INPP5A: variants seen among roughly 807,000 people sequenced by gnomAD.
INPP5A encodes the protein 43 kDa inositol polyphosphate 5-phophatase.
INPP5A carries 14 observed loss-of-function variants against 65.2 expected under a neutral mutation model. The ratio of observed to expected loss-of-function variants is 0.21; its 90% confidence interval spans 0.14 to 0.34. The LOEUF is 0.34. INPP5A is among the 10% of genes least tolerant of loss of function. INPP5A has a pLI of 1.00. For missense variants in INPP5A, 431 were observed against 545.6 expected (o/e 0.79, Z 2.09); for synonymous variants, 207 against 208.3 (o/e 0.99, Z 0.05).
intron 4 of INPP5A, among the ~76,000 whole-genome samples, chr10:132,658,538 C>T (rs1304282445): frequency 2.0e-5 from 3 of 152,186 alleles, no homozygotes; most frequent in African/African-American, 7.2e-5. Context: ...TGGTCGGCTC[C>T]GTGCGTTCTG....
At chr10:132,722,527 G>A (rs2134570082) in intron 8 of INPP5A, among the ~76,000 whole-genome samples, 1 of 152,324 alleles carries the variant, frequency 6.6e-6, no homozygotes, top group South Asian at 2.1e-4. Context: ...GCAGCCTCGC[G>A]CCCGGTTCCC....
At chr10:132,657,479 A>T (rs1392629370) in intron 4 of INPP5A, among the ~76,000 whole-genome samples, 1 of 152,216 alleles carries the variant, frequency 6.6e-6, no homozygotes, top group Non-Finnish European at 1.5e-5. Flanking sequence ...GGCAGCTCAC[A>T]GCCCCCACCC....
At chr10:132,772,679 C>G (rs1454860079) in intron 12 of INPP5A, among the ~76,000 whole-genome samples, 2 of 109,390 alleles carry the variant, frequency 1.8e-5, no homozygotes, top group South Asian at 3.6e-4. Flanking sequence ...GCAGCCGCCC[C>G]ACGAAGAGTG....
intron 2 of INPP5A, among the ~76,000 whole-genome samples, chr10:132,632,961 C>G (rs1189608601): frequency 6.6e-6 from 1 of 152,220 alleles, no homozygotes; most frequent in Non-Finnish European, 1.5e-5. Flanking sequence ...AGGGCAGTCC[C>G]AGGGCCTCGC....
rs2071398356 is a variant in INPP5A at position 132,575,081 on chromosome 10, T to C, written c.76-32834T>C. The stretch of plus-strand genomic sequence containing the variant: ...ATTCGGGGTGTCCGTGGAAAACACA[T>C]GATGCCAGGTCCACAGGGTGACAGG... On this transcript the variant is annotated intron_variant, in intron 1 of 15. Coordinates refer to ENST00000368594, the MANE Select transcript of INPP5A (RefSeq NM_005539.5). This position sits in a 1 kb window ranked among gnomAD's most constrained non-coding sequence, Gnocchi z 5.4. Among the ~76,000 whole-genome samples, 1 of 152,126 alleles carries C rather than the reference T, an allele frequency of 6.6e-6. No individual in the cohort carries two copies. Among genetic ancestry groups the C allele is most frequent in the Non-Finnish European group, 1.5e-5 (1 of 68,014 alleles).
At position 132,725,687 on chromosome 10, in the gene INPP5A, G is replaced by A. The variant is rs79712454; in HGVS notation, c.648-1134G>A. 9.3e-3 allele frequency among the ~76,000 whole-genome samples: 1,418 copies of A among 152,322 alleles called. 21 individuals are homozygous for A. The highest frequency in any genetic ancestry group is 0.031 in the African/African-American group (1,304 of 41,572). ...CTGCCCGGGCTGGCACTCCCTGCCT[G>A]TGGACAGCTGTGCACACCTGCAGTT... On this transcript the variant is annotated intron_variant, in intron 8 of 15. Coordinates refer to ENST00000368594, the MANE Select transcript of INPP5A (RefSeq NM_005539.5).
chr10:132,632,097 AT>A (rs1000263874), intron 2 of INPP5A, among the ~76,000 whole-genome samples: 2 of 152,238 alleles, frequency 1.3e-5, no homozygotes, highest in African/African-American at 4.8e-5. Flanking sequence ...ACTCGGTCAC[AT>A]CTGTGCTTTG....
chr10:132,693,327 G>T (rs538061209), intron 5 of INPP5A, among the ~76,000 whole-genome samples: 5 of 152,038 alleles, frequency 3.3e-5, no homozygotes, highest in Non-Finnish European at 7.4e-5. Context: ...CTATATCAAC[G>T]ATCCCTTTAA....
At chr10:132,636,431 C>G (rs1000357589) in intron 2 of INPP5A, among the ~76,000 whole-genome samples, 1 of 152,210 alleles carries the variant, frequency 6.6e-6, no homozygotes, top group African/African-American at 2.4e-5. Flanking sequence ...TGCAAAACAG[C>G]CACGTCACAA....
chr10:132,694,154 AAGAAC>A (rs1256146916), intron 5 of INPP5A, among the ~76,000 whole-genome samples: 4 of 152,228 alleles, frequency 2.6e-5, no homozygotes, highest in African/African-American at 9.6e-5. Flanking sequence ...ACAAATTTAA[AAGAAC>A]AGAAACCATA....
In INPP5A at chr10:132,603,965, C is replaced by T. The variant is rs542495924; in HGVS notation, c.76-3950C>T. Among the ~76,000 whole-genome samples, 7 of 151,570 alleles carry T rather than the reference C, an allele frequency of 4.6e-5. No individual in the cohort carries two copies. The highest frequency in any genetic ancestry group is 1.7e-4 in the African/African-American group (7 of 41,258). ...CGTCAAGGTCCCCTCTCCGTCCCGC[C>T]CTGCGCCGTCAGGGTCCCCTCTCCG... On this transcript the variant is annotated intron_variant, in intron 1 of 15. Coordinates refer to ENST00000368594, the MANE Select transcript of INPP5A (RefSeq NM_005539.5). This position sits in a 1 kb window ranked among gnomAD's most constrained non-coding sequence, Gnocchi z 4.2.
In INPP5A at chr10:132,615,516, G is replaced by A. The variant is rs116869969; in HGVS notation, c.117+7560G>A. ...AGGAAGTGGCTGCTGGGTGCGGGGA[G>A]GCTCCTGAACTCTCGGAACCTGGAA... On this transcript the variant is annotated intron_variant, in intron 2 of 15. Transcript: ENST00000368594. 4.6e-4 allele frequency among the ~76,000 whole-genome samples: 70 copies of A among 152,302 alleles called. 1 individual carries two copies. In the East Asian group the frequency reaches 0.013, roughly 28 times the overall value.
chr10:132,763,734 CACACACATGCCTGCATACAA>C (rs1846778050), intron 11 of INPP5A, among the ~76,000 whole-genome samples: 1 of 151,692 alleles, frequency 6.6e-6, no homozygotes, highest in East Asian at 1.9e-4. Flanking sequence ...TGCCTGCATG[CACACACATGCCTGCATACAA>C]ACACACATGC....
chr10:132,709,472 G>T (rs73385192), intron 7 of INPP5A, among the ~76,000 whole-genome samples: 11 of 152,038 alleles, frequency 7.2e-5, no homozygotes, highest in Admixed American at 4.6e-4. Context: ...CCGCGGTCCC[G>T]TGCCCACCCC....
intron 2 of INPP5A, among the ~76,000 whole-genome samples, chr10:132,622,319 C>T (rs1442085375): frequency 6.6e-6 from 1 of 150,828 alleles, no homozygotes; most frequent in Non-Finnish European, 1.5e-5. Flanking sequence ...ATACCGCGTT[C>T]GTGGATTGGA....
Position 132,771,187 on chromosome 10 carries a change from A to T in INPP5A, c.977+5341A>T, listed in dbSNP as rs564970657. On this transcript the variant is annotated intron_variant, in intron 12 of 15. Coordinates refer to ENST00000368594, the MANE Select transcript of INPP5A (RefSeq NM_005539.5). ...AGATGCAGGCACGCTCCCCTGAGAGATGAGGGCCATGTCATCCCTCTGGGC... is the reference window on the plus strand; with the variant it reads ...AGATGCAGGCACGCTCCCCTGAGAGTTGAGGGCCATGTCATCCCTCTGGGC... Among the ~76,000 whole-genome samples, 3 of 152,244 alleles carry T rather than the reference A, an allele frequency of 2.0e-5. No individual in the cohort carries two copies. The South Asian group carries it at 6.2e-4, about 32-fold the overall frequency.
intron 8 of INPP5A, among the ~76,000 whole-genome samples, chr10:132,720,396 G>A (rs1424738777): frequency 7.2e-5 from 10 of 138,714 alleles, no homozygotes; most frequent in African/African-American, 2.3e-4. Flanking sequence ...ACCTTAGACG[G>A]CTGTCTTGCG....
chr10:132,677,323 C>T (rs1434992624), intron 4 of INPP5A, among the ~76,000 whole-genome samples: 2 of 152,276 alleles, frequency 1.3e-5, no homozygotes, highest in Non-Finnish European at 2.9e-5. Flanking sequence ...GCCCCCCTCA[C>T]CACGCTGCCG....
intron 4 of INPP5A, among the ~76,000 whole-genome samples, chr10:132,662,079 CTTCT>C (rs1402314170): frequency 2.0e-5 from 3 of 152,316 alleles, no homozygotes; most frequent in Admixed American, 6.5e-5. Flanking sequence ...TCACACAGGA[CTTCT>C]TTCTTTAAAT....
Sources: gnomAD v4.1 joint callset for allele counts (sites outside exome capture counted in the v4.1 genomes callset) on GRCh38, gnomAD v4.1.1 for gene constraint, Gnocchi (gnomAD v3.1) non-coding constraint, MANE v1.5 for transcripts, NCBI Gene and HGNC (gene_info 2026-07-23, HGNC 2026-07-21) for gene names.